PAPPA2: variants seen among roughly 807,000 people sequenced by gnomAD.
PAPPA2 encodes pappalysin 2.
A neutral mutation model predicts 176.4 loss-of-function variants in PAPPA2; 86 were observed. The observed-to-expected ratio is 0.49, with a 90% CI of 0.41 to 0.58. The LOEUF is 0.58. PAPPA2 is among the 20% of genes least tolerant of loss of function. The pLI, the probability that PAPPA2 is intolerant of heterozygous loss-of-function variation, is 0.00. For missense variants in PAPPA2, 2,073 were observed against 2,256.9 expected, an observed-to-expected ratio of 0.92 and a Z score of 1.65; for synonymous variants, 809 against 852.2, an observed-to-expected ratio of 0.95 and a Z score of 0.88.
intron 3 of PAPPA2, among the ~76,000 whole-genome samples, chr1:176,659,107 G>A (rs1005231639): frequency 2.0e-5 from 3 of 151,964 alleles, no homozygotes; most frequent in African/African-American, 7.2e-5. Context: ...ATGGAGATAT[G>A]GGTTGGGTAG....
chr1:176,616,048 T>C (rs1274262134), intron 3 of PAPPA2, among the ~76,000 whole-genome samples: 1 of 152,218 alleles, frequency 6.6e-6, no homozygotes, highest in Non-Finnish European at 1.5e-5. Context: ...TTTTATATAC[T>C]GACAGCAAGA....
intron 1 of PAPPA2, among the ~76,000 whole-genome samples, chr1:176,524,118 C>T (rs1432438657): frequency 6.6e-6 from 1 of 152,236 alleles, no homozygotes; most frequent in Admixed American, 6.5e-5. Context: ...CAGCATGGCA[C>T]TCTTGCATTT....
At chr1:176,709,918 A>G (rs942275271) in intron 10 of PAPPA2, 65 bp from the exon 11 acceptor site, 24 of 1,419,596 alleles carry the variant, frequency 1.7e-5, no homozygotes, top group Non-Finnish European at 1.8e-5. Context: ...GGACATTCCC[A>G]TGTTCATTTT....
intron 1 of PAPPA2, among the ~76,000 whole-genome samples, chr1:176,511,129 TA>T (rs961705115): frequency 6.6e-6 from 1 of 152,046 alleles, no homozygotes; most frequent in African/African-American, 2.4e-5. Context: ...GTGTTGTCTA[TA>T]AAATGTGTAC....
At chr1:176,517,583 C>A (rs191735504) in intron 1 of PAPPA2, among the ~76,000 whole-genome samples, 1 of 152,218 alleles carries the variant, frequency 6.6e-6, no homozygotes, top group East Asian at 1.9e-4. Flanking sequence ...GCTGTGAAAC[C>A]AAAGCCTGTG....
chr1:176,750,785 A>G (rs1238006387), intron 14 of PAPPA2, among the ~76,000 whole-genome samples: 1 of 152,238 alleles, frequency 6.6e-6, no homozygotes, highest in Admixed American at 6.5e-5. Flanking sequence ...TTGAGTGGAA[A>G]TGGATCATTA....
At chr1:176,759,993 C>G (rs1663625728) in intron 14 of PAPPA2, among the ~76,000 whole-genome samples, 1 of 152,182 alleles carries the variant, frequency 6.6e-6, no homozygotes, top group Admixed American at 6.5e-5. Flanking sequence ...TCTGCACACA[C>G]TGAATTTTTT....
intron 1 of PAPPA2, among the ~76,000 whole-genome samples, chr1:176,525,252 G>A (rs1649437882): frequency 6.6e-6 from 1 of 152,198 alleles, no homozygotes; most frequent in Non-Finnish European, 1.5e-5. Flanking sequence ...CAATCACTCA[G>A]TTGAGCAAGA....
chr1:176,482,582 A>G (rs1275563544), intron 1 of PAPPA2, among the ~76,000 whole-genome samples: 7 of 152,196 alleles, frequency 4.6e-5, no homozygotes, highest in Admixed American at 4.6e-4. Context: ...TCAGCTAAAT[A>G]CAAGGATCAC....
At chr1:176,565,396 C>T (rs1294295299) in intron 2 of PAPPA2, among the ~76,000 whole-genome samples, 3 of 152,116 alleles carry the variant, frequency 2.0e-5, no homozygotes, top group Non-Finnish European at 4.4e-5. Context: ...GCCTCTGACC[C>T]TCTAAAATGA....
At chr1:176,792,341 A>G (rs1665214538) in intron 19 of PAPPA2, among the ~76,000 whole-genome samples, 1 of 152,216 alleles carries the variant, frequency 6.6e-6, no homozygotes, top group South Asian at 2.1e-4. Context: ...GCAAGGAGTA[A>G]TTTTATCGGA....
intron 17 of PAPPA2, among the ~76,000 whole-genome samples, chr1:176,778,353 A>G (rs1192216143): frequency 6.6e-6 from 1 of 152,164 alleles, no homozygotes; most frequent in Non-Finnish European, 1.5e-5. Flanking sequence ...TCTGGTCATA[A>G]TTTAAAAAAT....
At chr1:176,586,114 C>T (rs1355376846) in intron 2 of PAPPA2, among the ~76,000 whole-genome samples, 1 of 152,088 alleles carries the variant, frequency 6.6e-6, no homozygotes, top group Admixed American at 6.6e-5. Context: ...GATTTCTGTG[C>T]ATCCAGTAGA....
chr1:176,701,691 T>C (rs1660657426), intron 8 of PAPPA2, among the ~76,000 whole-genome samples: 1 of 152,184 alleles, frequency 6.6e-6, no homozygotes, highest in Non-Finnish European at 1.5e-5. Flanking sequence ...GAGAGAACCA[T>C]GGCAGAATAC....
intron 12 of PAPPA2, among the ~76,000 whole-genome samples, chr1:176,731,884 T>G (rs1405078428): frequency 6.6e-6 from 1 of 152,168 alleles, no homozygotes; most frequent in African/African-American, 2.4e-5. Context: ...AATGAATTTT[T>G]TTTCTTTAGT....
intron 14 of PAPPA2, among the ~76,000 whole-genome samples, chr1:176,760,674 AAAC>A (rs1323434223): frequency 6.6e-6 from 1 of 152,212 alleles, no homozygotes; most frequent in Non-Finnish European, 1.5e-5. Context: ...AACAAGGGAA[AAAC>A]ACACATCATT....
At chr1:176,765,527 A>T (rs1557856991) in intron 14 of PAPPA2, 139 bp from the exon 15 acceptor site, 3 of 752,230 alleles carry the variant, frequency 4.0e-6, no homozygotes, top group East Asian at 5.0e-5. Context: ...TAGAGAAAAA[A>T]GGTGATGAGT....
intron 3 of PAPPA2, among the ~76,000 whole-genome samples, chr1:176,662,972 T>C (rs1658437598): frequency 6.6e-6 from 1 of 152,210 alleles, no homozygotes; most frequent in South Asian, 2.1e-4. Context: ...CAAACTATTA[T>C]ATCTCTTTGT....
rs1470453948 is a variant in PAPPA2, at chr1:176,595,474, A to G, written c.1870A>G (p.Arg624Gly). The change falls in exon 3 of 23, where the codon AGG becomes GGG. Residue 624 changes from arginine to glycine, a missense_variant. Arg to Gly is a moderately radical substitution (Grantham distance 125). This residue lies in a region of PAPPA2 where 1,196 missense variants were observed against 1,330.4 expected (regional missense o/e 0.90). Coordinates refer to ENST00000367662, the MANE Select transcript of PAPPA2 (RefSeq NM_020318.3). ...LQGRCYSWNR[R>G]DGLCHVECNN... The stretch of plus-strand genomic sequence containing the variant: ...GGGCCGCTGCTACTCCTGGAACCGC[A>G]GGGATGGGCTCTGTCACGTGGAGTG... The G allele has an allele frequency of 1.9e-6, 3 of 1,614,050 alleles. No homozygotes were observed. The highest frequency in any genetic ancestry group is 1.6e-4 in the Middle Eastern group (1 of 6,084).
Sources: gnomAD v4.1 joint callset for allele counts (sites outside exome capture counted in the v4.1 genomes callset) on GRCh38, gnomAD v4.1.1 for gene constraint, gnomAD v4.1.1 regional missense constraint, MANE v1.5 for transcripts, NCBI Gene and HGNC (gene_info 2026-07-23, HGNC 2026-07-21) for gene names.